The following CALD1 variants were observed in gnomAD, a reference collection of about 807,000 sequenced individuals.
CALD1 encodes the protein caldesmon 1, also known as caldesmon.
Under a neutral mutation model 99.9 loss-of-function variants are expected in CALD1, and 33 were observed. The observed-to-expected ratio is 0.33, with a 90% CI of 0.25 to 0.44. CALD1 has a LOEUF of 0.44. CALD1 is among the 20% of genes least tolerant of loss of function. The pLI is 1.00. For missense variants in CALD1, 861 were observed against 962.1 expected (o/e 0.89, Z 1.39); for synonymous variants, 310 against 325.0 (o/e 0.95, Z 0.50).
intron 14 of CALD1, 122 bp downstream of exon 14, chr7:134,965,508 A>G (rs1808607780): frequency 1.5e-6 from 1 of 667,124 alleles, no homozygotes; most frequent in Non-Finnish European, 2.8e-6. Context: ...CACACCCATC[A>G]GTGTCTAAAA....
chr7:134,867,901 A>G (rs971797622), intron 3 of CALD1, 97 bp downstream of exon 3: 34 of 604,860 alleles, frequency 5.6e-5, no homozygotes, highest in Non-Finnish European at 9.3e-5. Flanking sequence ...ATGTGGTCAT[A>G]TCGCACACCA....
intron 3 of CALD1, among the ~76,000 whole-genome samples, chr7:134,908,902 G>A (rs1202683678): frequency 6.6e-6 from 1 of 152,158 alleles, no homozygotes; most frequent in Non-Finnish European, 1.5e-5. Context: ...CAACAGTAGA[G>A]AATTGTGCTT....
At chr7:134,871,073 C>T (rs1372944164) in intron 3 of CALD1, among the ~76,000 whole-genome samples, 1 of 152,192 alleles carries the variant, frequency 6.6e-6, no homozygotes. Context: ...CTTCCTTTAG[C>T]TCCAGACCTT....
intron 1 of CALD1, among the ~76,000 whole-genome samples, chr7:134,823,011 T>C (rs982646833): frequency 2.0e-5 from 3 of 152,192 alleles, no homozygotes; most frequent in African/African-American, 7.2e-5. Context: ...AATAGGTCTG[T>C]AGAAAAATGA....
At chr7:134,751,163 T>C (rs1441344227) in intron 1 of CALD1, among the ~76,000 whole-genome samples, 2 of 152,202 alleles carry the variant, frequency 1.3e-5, no homozygotes, top group Non-Finnish European at 2.9e-5. Context: ...GTGCAAGTCA[T>C]TTAACTTCCA....
chr7:134,766,054 A>AGG (rs937170422), intron 1 of CALD1, among the ~76,000 whole-genome samples: 1 of 148,896 alleles, frequency 6.7e-6, no homozygotes, highest in African/African-American at 2.5e-5. Flanking sequence ...AAGATTCCTG[A>AGG]GGCTTCACCA....
chr7:134,732,568 C>T, the CALD1 span, among the ~76,000 whole-genome samples: 1 of 144,318 alleles, frequency 6.9e-6, no homozygotes, highest in Admixed American at 7.2e-5. Context: ...CTGCCAGTAC[C>T]TTGATCTTGG....
intron 14 of CALD1, among the ~76,000 whole-genome samples, chr7:134,965,834 CCAAAA>C (rs1563140431): frequency 3.7e-5 from 3 of 82,042 alleles, no homozygotes; most frequent in Admixed American, 1.0e-4. Flanking sequence ...GTTGCTATGG[CCAAAA>C]AAAAAAAAAA....
At chr7:134,758,708 AC>A (rs67723703) in intron 1 of CALD1, among the ~76,000 whole-genome samples, 3,188 of 152,204 alleles carry the variant, frequency 0.021, 104 homozygotes, top group African/African-American at 0.071. Context: ...AGTAACATTT[AC>A]TTATTATTCC....
At chr7:134,946,223 A>G (rs1164616622) in intron 7 of CALD1, among the ~76,000 whole-genome samples, 1 of 152,156 alleles carries the variant, frequency 6.6e-6, no homozygotes, top group Non-Finnish European at 1.5e-5. Context: ...TATCATACTG[A>G]TATAATACAT....
intron 1 of CALD1, among the ~76,000 whole-genome samples, chr7:134,796,405 A>T (rs931748888): frequency 2.6e-5 from 4 of 152,192 alleles, no homozygotes. Context: ...CCTTTGAAAT[A>T]TGAAGACTTT....
At chr7:134,966,484 C>T (rs1215467533) in intron 14 of CALD1, among the ~76,000 whole-genome samples, 1 of 152,188 alleles carries the variant, frequency 6.6e-6, no homozygotes, top group Non-Finnish European at 1.5e-5. Flanking sequence ...CACTATTCTA[C>T]CTTCTTACCC....
chr7:134,927,795 T>C (rs1033480705), intron 3 of CALD1, among the ~76,000 whole-genome samples: 1 of 150,658 alleles, frequency 6.6e-6, no homozygotes, highest in Non-Finnish European at 1.5e-5. Context: ...CAATTGTCAG[T>C]AACACCTTCT....
intron 1 of CALD1, among the ~76,000 whole-genome samples, chr7:134,749,615 C>T (rs2131554539): frequency 6.6e-6 from 1 of 152,218 alleles, no homozygotes; most frequent in South Asian, 2.1e-4. Flanking sequence ...AAAAGCAAGG[C>T]CAGAAGAGTG....
chr7:134,711,858 G>A, the CALD1 span, among the ~76,000 whole-genome samples: 2 of 151,300 alleles, frequency 1.3e-5, no homozygotes, highest in African/African-American at 4.9e-5. Flanking sequence ...TGGAGACAAT[G>A]AAGGCTCAGG....
At chr7:134,915,623 C>A (rs1323944200) in intron 3 of CALD1, among the ~76,000 whole-genome samples, 1 of 152,222 alleles carries the variant, frequency 6.6e-6, no homozygotes, top group Non-Finnish European at 1.5e-5. Context: ...AATGCTCATG[C>A]TCCCTCTCTC....
At chr7:134,917,140 G>A (rs1051438343) in intron 3 of CALD1, among the ~76,000 whole-genome samples, 15 of 152,122 alleles carry the variant, frequency 9.9e-5, no homozygotes, top group South Asian at 6.2e-4. Context: ...GCCAGCCATC[G>A]ACACCTGGGT....
At chr7:134,876,762 T>C (rs529435890) in intron 3 of CALD1, among the ~76,000 whole-genome samples, 70 of 152,374 alleles carry the variant, frequency 4.6e-4, no homozygotes, top group African/African-American at 1.6e-3. Flanking sequence ...ATTTCTCCAT[T>C]CTTACCAGTT....
At chr7:134,772,232 T>G (rs984403378) in intron 1 of CALD1, among the ~76,000 whole-genome samples, 5 of 151,970 alleles carry the variant, frequency 3.3e-5, no homozygotes, top group African/African-American at 1.2e-4. Context: ...TAGCTGGGAC[T>G]ACAGGTGTGC....
Sources: gnomAD v4.1 joint callset for allele counts (sites outside exome capture counted in the v4.1 genomes callset) on GRCh38, gnomAD v4.1.1 for gene constraint, MANE v1.5 for transcripts, NCBI Gene and HGNC (gene_info 2026-07-23, HGNC 2026-07-21) for gene names.